The following PLXNB2 variants were observed in gnomAD, a reference collection of about 807,000 sequenced individuals.
PLXNB2 encodes plexin-B2.
In PLXNB2, 85 loss-of-function variants were observed where a neutral mutation model predicts 202.6. The observed-to-expected ratio is 0.42, with a 90% confidence interval of 0.35 to 0.50. The LOEUF (loss-of-function observed/expected upper bound fraction) is 0.50, where lower values mean the gene tolerates loss of function less well. Among genes scored for constraint, PLXNB2 ranks in the 20% least tolerant of loss-of-function variants. The pLI, the probability that PLXNB2 is intolerant of heterozygous loss-of-function variation, is 0.02. For missense variants in PLXNB2, 2,063 were observed against 2,586.2 expected (o/e 0.80, Z 4.39); for synonymous variants, 1,239 against 1,137.6 (o/e 1.09, Z -1.79).
rs931367607 is a variant in PLXNB2 at position 50,278,877 on chromosome 22, G to A, written c.4524C>T (p.Pro1508=). ...VYRGQPCSCW[P]RPDSVVLEWR... is the part of the protein sequence containing the mutation. ...CACCCAGGACCACGCTGTCTGGCCT[G>A]GGCCAGCAGGAGCAGGGCTGCCCAC... The change falls in exon 28 of 37, where the codon CCC becomes CCT. Residue 1508 remains proline (P), a synonymous_variant. Transcript: ENST00000359337. The A allele has an allele frequency of 6.2e-7, 1 of 1,612,476 alleles. No individual in the cohort carries two copies. The highest frequency in any genetic ancestry group is 1.7e-5 in the Admixed American group (1 of 59,954).
rs760320759 is a variant in PLXNB2, at chr22:50,278,223, G to A, written c.4781C>T (p.Pro1594Leu). 1.5e-5 allele frequency: 24 copies of A among 1,609,862 alleles called. No individual in the cohort carries two copies. The highest frequency in any genetic ancestry group is 1.9e-5 in the Non-Finnish European group (22 of 1,179,926). Residue 1594 changes from proline (P) to leucine (L), a missense_variant, in exon 31 of 37, where the codon CCG (proline) becomes CTG (leucine). By Grantham distance (98) the Pro-to-Leu change is moderately conservative. Coordinates refer to ENST00000359337, the MANE Select transcript of PLXNB2 (RefSeq NM_012401.4). ...CTTGCCCTCGTCCACCTCGTCGGTC[G>A]GCCGCACCAGGTGCCACACCCGGTT... ...EENRVWHLVR[P>L]TDEVDEGKSK...
chr22:50,295,984 C>T (rs1303238741), intron 1 of PLXNB2, among the ~76,000 whole-genome samples: 1 of 152,046 alleles, frequency 6.6e-6, no homozygotes, highest in Non-Finnish European at 1.5e-5. Context: ...CGCCTGTAAT[C>T]CCAACTACTC....
chr22:50,282,408 G>A (rs570739344), intron 18 of PLXNB2, 95 bp from the exon 19 acceptor site: 37 of 1,267,272 alleles, frequency 2.9e-5, no homozygotes, highest in South Asian at 4.4e-5. Context: ...CTGACCACAC[G>A]GGGCTTCCAG....
At chr22:50,280,714 G>GGCCGCCCCCC in intron 24 of PLXNB2, 30 bp downstream of exon 24, 2 of 1,528,950 alleles carry the variant, frequency 1.3e-6, no homozygotes, top group Non-Finnish European at 1.8e-6. Flanking sequence ...CCACCTGTGT[G>GGCCGCCCCCC]CCCTCCCGCC....
Position 50,283,592 on chromosome 22 carries a change from G to C in PLXNB2, c.2570+10C>G, listed in dbSNP as rs200671403. 9 of 1,481,174 alleles carry C rather than the reference G, an allele frequency of 6.1e-6. No individual in the cohort carries two copies. The highest frequency in any genetic ancestry group is 1.9e-4 in the Middle Eastern group (1 of 5,342). 91.8% of individuals were successfully genotyped at this position (1,481,174 alleles called of 1,614,324 possible). ...AGCTGACAGGGCCCAGACCAGGGCC[G>C]TCCACTCACCGGGTGGACACGGAGT... is the stretch of plus-strand genomic sequence containing the variant. On this transcript the variant is annotated intron_variant, in intron 15 of 36. Transcript: ENST00000359337.
In PLXNB2 at chr22:50,289,635, T is replaced by C; in HGVS notation, c.950A>G (p.Asp317Gly). 1 of 1,609,654 alleles carries C rather than the reference T, an allele frequency of 6.2e-7. No individual in the cohort carries two copies. The highest frequency in any genetic ancestry group is 8.5e-7 in the Non-Finnish European group (1 of 1,179,800). ...PGAGLCLFPLDKVHAKMEANR... is the reference protein window; with the variant it reads ...PGAGLCLFPLGKVHAKMEANR... ...GGCCTCCATCTTGGCGTGCACCTTG[T>C]CCAGCGGGAACAGGCAGAGGCCCGC... Residue 317 changes from aspartate (D) to glycine (G), a missense_variant, in exon 3 of 37, where the codon GAC becomes GGC. Asp to Gly is a moderately conservative substitution (Grantham distance 94). This residue lies in a region of PLXNB2 where 1,303 missense variants were observed against 1,476.8 expected (regional missense o/e 0.88). Transcript: ENST00000359337. This position sits in a 1 kb window ranked among gnomAD's most constrained non-coding sequence, Gnocchi z 8.0.
At chr22:50,302,057 T>C (rs2067719305) in intron 1 of PLXNB2, among the ~76,000 whole-genome samples, 1 of 152,140 alleles carries the variant, frequency 6.6e-6, no homozygotes, top group South Asian at 2.1e-4. Context: ...GCAGTGGGGC[T>C]CTCAGAACCC....
intron 27 of PLXNB2, among the ~76,000 whole-genome samples, chr22:50,279,370 G>C (rs2065832474): frequency 6.6e-6 from 1 of 152,224 alleles, no homozygotes; most frequent in Admixed American, 6.5e-5. Flanking sequence ...CACCTGGTGT[G>C]CCAGGCCCTT....
rs1328796672 is a variant in PLXNB2 at position 50,283,131 on chromosome 22, G to A, written c.2735C>T (p.Thr912Ile). ...PQQGPQAGGTTLTIHGTHLDT... is the reference protein window; with the variant it reads ...PQQGPQAGGTILTIHGTHLDT... ...CAGGTGGGTGCCGTGGATGGTCAGT[G>A]TGGTGCCGCCCGCCTGCGGTCCCTG... Residue 912 changes from threonine to isoleucine, a missense_variant, in exon 17 of 37, where the codon ACA (threonine) becomes ATA (isoleucine). This residue lies in a region of PLXNB2 where 1,303 missense variants were observed against 1,476.8 expected (regional missense o/e 0.88). Coordinates refer to ENST00000359337, the MANE Select transcript of PLXNB2 (RefSeq NM_012401.4). 1 of 1,599,336 alleles carries A rather than the reference G, an allele frequency of 6.3e-7. No homozygotes were observed. The highest frequency in any genetic ancestry group is 1.7e-5 in the Admixed American group (1 of 57,740).
chr22:50,289,538 G>A lies in PLXNB2; in HGVS notation c.1047C>T (p.Ile349=). ...ATACCGGCGCGTGGCCGCCGCACTG[G>A]ATATCGCCGTGGAAGGGCTTGTAGA... The part of the protein sequence containing the change: ...DIFYKPFHGD[I]QCGGHAPGSS... Residue 349 remains isoleucine, a synonymous_variant, in exon 3 of 37, where the codon ATC becomes ATT. Transcript: ENST00000359337. The surrounding 1 kb of genome is among the most constrained non-coding windows in gnomAD (Gnocchi z 8.0). 1 of 1,611,662 alleles carries A rather than the reference G, an allele frequency of 6.2e-7. No homozygotes were observed. Among genetic ancestry groups the A allele is most frequent in the Non-Finnish European group, 8.5e-7 (1 of 1,179,602 alleles).
At position 50,281,704 on chromosome 22, in the gene PLXNB2, G is replaced by T; in HGVS notation, c.3384C>A (p.Ala1128=). 1 of 1,564,368 alleles carries T rather than the reference G, an allele frequency of 6.4e-7. No homozygotes were observed. The change falls in exon 21 of 37, where the codon GCC becomes GCA. Residue 1128 remains alanine (A), a synonymous_variant. Transcript: ENST00000359337. The stretch of plus-strand genomic sequence containing the variant: ...AGCGCTCGGCACCCACGAAGGCCTC[G>T]GCCTCCTGCAGCGTCATCGCCTTGT... ...NLNKAMTLQE[A]EAFVGAERCT...
chr22:50,287,207 G>C lies in PLXNB2; in HGVS notation c.1666C>G (p.Leu556Val), dbSNP rs2066520910. ...GGGTGTGGCGGCGACTCCCCAAAAA[G>C]GCACAGCAACTCGTCCTCCTCGCTC... Reference protein sequence around the residue: ...ALSEEDELLCLFGESPPHPAR... With the variant: ...ALSEEDELLCVFGESPPHPAR... Residue 556 changes from leucine to valine, a missense_variant, in exon 8 of 37, where the codon CTT (leucine) becomes GTT (valine). Leu to Val is a conservative substitution (Grantham distance 32, BLOSUM62 1). Around this residue, in one of 2 missense-constraint regions of PLXNB2, gnomAD observed 1,303 missense variants for 1,476.8 expected, o/e 0.88. Transcript: ENST00000359337. The C allele has an allele frequency of 3.2e-6, 5 of 1,550,294 alleles. No individual in the cohort carries two copies. The highest frequency in any genetic ancestry group is 1.4e-5 in the African/African-American group (1 of 73,096).
intron 8 of PLXNB2, among the ~76,000 whole-genome samples, chr22:50,286,567 C>T (rs570105479): frequency 1.1e-4 from 17 of 152,346 alleles, no homozygotes; most frequent in African/African-American, 3.1e-4. Flanking sequence ...CTTTCTCCCC[C>T]GGGTCCAGGT....
intron 1 of PLXNB2, among the ~76,000 whole-genome samples, chr22:50,305,461 A>G (rs2067851226): frequency 6.6e-6 from 1 of 152,240 alleles, no homozygotes; most frequent in African/African-American, 2.4e-5. Context: ...ACAGCATCGC[A>G]GATGACTCCT....
chr22:50,290,216 G>A lies in PLXNB2; in HGVS notation c.369C>T (p.Arg123=), dbSNP rs371696049. 1.4e-5 allele frequency: 23 copies of A among 1,612,156 alleles called. No homozygotes were observed. The highest frequency in any genetic ancestry group is 1.3e-4 in the African/African-American group (10 of 75,066). The change falls in exon 3 of 37, where the codon CGC becomes CGT. Residue 123 remains arginine (R), a synonymous_variant. Coordinates refer to ENST00000359337, the MANE Select transcript of PLXNB2 (RefSeq NM_012401.4). ...GGCGGAGGGAGATGTTGCTCAGGGC[G>A]CGCAGAGCGCAGATGCCCTTGAAGA... is the stretch of plus-strand genomic sequence containing the variant. ...GSLFKGICAL[R]ALSNISLRLF... is the part of the protein sequence containing the mutation.
Position 50,307,189 on chromosome 22 carries a change from T to G in PLXNB2, c.-74+364A>C, listed in dbSNP as rs1254215201. Among the ~76,000 whole-genome samples the G allele has an allele frequency of 2.6e-5, 4 of 151,974 alleles. No homozygotes were observed. The East Asian group carries it at 5.8e-4, about 22-fold the overall frequency. ...ATCCAGGCTCCTGTGCCGCTGAGCC[T>G]GGGGCCGGCCCGGAGCGCCCGCACC... is the stretch of plus-strand genomic sequence containing the variant. On this transcript the variant is annotated intron_variant, in intron 1 of 36. Coordinates refer to ENST00000359337, the MANE Select transcript of PLXNB2 (RefSeq NM_012401.4).
rs1363811328 is a variant in PLXNB2, at chr22:50,282,467, C to T, written c.2988-154G>A. 3.7e-6 allele frequency: 3 copies of T among 813,270 alleles called. No individual in the cohort carries two copies. The African/African-American group carries it at 5.2e-5, about 14-fold the overall frequency. The allele number at this position is 813,270 out of a possible 1,614,324, so 50.4% of individuals were successfully genotyped here. On this transcript the variant is annotated intron_variant, in intron 18 of 36. Transcript: ENST00000359337. ...CAAAGGGGCAACGCGGTGGGACGTG[C>T]TGAGCACGAGACTGTGCCGCAAGTG... is the stretch of plus-strand genomic sequence containing the variant.
rs200516621 is a variant in PLXNB2 at position 50,281,786 on chromosome 22, G to A, written c.3346-44C>T. The A allele has an allele frequency of 3.5e-3, 5,512 of 1,569,750 alleles. 12 individuals are homozygous for A. Among genetic ancestry groups the A allele is most frequent in the Non-Finnish European group, 4.4e-3 (5,110 of 1,155,472 alleles). On this transcript the variant is annotated intron_variant, in intron 20 of 36. Transcript: ENST00000359337. ...TCGGGGTGAGGAGGAGGGAACCAGG[G>A]ACAGGTGGACCAGCTCTCAGCCCAG...
intron 1 of PLXNB2, among the ~76,000 whole-genome samples, chr22:50,302,189 G>A (rs1256093159): frequency 6.6e-6 from 1 of 152,230 alleles, no homozygotes. Flanking sequence ...GGCTGGTGAG[G>A]CACAGGGTGT....
Sources: allele counts gnomAD v4.1 joint callset (sites outside exome capture counted in the v4.1 genomes callset), GRCh38; gene constraint gnomAD v4.1.1; regional missense constraint gnomAD v4.1.1; non-coding constraint Gnocchi (gnomAD v3.1); transcripts MANE v1.5; gene names NCBI Gene and HGNC (gene_info 2026-07-23, HGNC 2026-07-21).